The following GALNT10 variants were observed in gnomAD, a reference collection of about 807,000 sequenced individuals.
GALNT10 encodes the protein GalNAc transferase 10.
Under a neutral mutation model 75.0 loss-of-function variants are expected in GALNT10, and 41 were observed. The observed-to-expected ratio is 0.55, with a 90% CI of 0.43 to 0.71. The LOEUF is 0.71. Ranked by LOEUF, GALNT10 falls within the 30% of genes least tolerant of loss-of-function variation. The pLI, the probability that GALNT10 is intolerant of heterozygous loss-of-function variation, is 0.00. For missense variants in GALNT10, 727 were observed against 818.5 expected (o/e 0.89, Z 1.36); for synonymous variants, 302 against 313.0 (o/e 0.96, Z 0.37).
chr5:154,413,009 A>G lies in GALNT10; in HGVS notation c.1503+4A>G. The G allele has an allele frequency of 6.3e-7, 1 of 1,579,650 alleles. No individual in the cohort carries two copies. On this transcript the variant is annotated splice_donor_region_variant and intron_variant, in intron 10 of 11. Transcript: ENST00000297107. Reference sequence around the variant, plus strand: ...GGCTGCCTGGAACAACATGCAGGTAAGGGCCGCCCCTCAGGGACTGGCAGC... The same window carrying G: ...GGCTGCCTGGAACAACATGCAGGTAGGGGCCGCCCCTCAGGGACTGGCAGC...
chr5:154,392,298 G>C (rs1755911556), intron 7 of GALNT10: 1 of 152,218 alleles, frequency 6.6e-6, no homozygotes, highest in Non-Finnish European at 1.5e-5. Context: ...CCTGGAGGCA[G>C]GGAGGAGGTT....
intron 7 of GALNT10, chr5:154,393,063 A>ACAAAAAAC (rs1554101634): frequency 3.1e-5 from 4 of 128,532 alleles, no homozygotes; most frequent in African/African-American, 1.2e-4. Flanking sequence ...TCCACAAAAA[A>ACAAAAAAC]AAAAAAAAAA....
At chr5:154,360,189 C>T (rs1195239784) in intron 4 of GALNT10, among the ~76,000 whole-genome samples, 2 of 152,298 alleles carry the variant, frequency 1.3e-5, no homozygotes, top group African/African-American at 2.4e-5. Context: ...GTGGCTCACA[C>T]CTGTAATCCC....
At chr5:154,255,284 G>C (rs1292597195) in intron 1 of GALNT10, among the ~76,000 whole-genome samples, 2 of 152,128 alleles carry the variant, frequency 1.3e-5, no homozygotes, top group Non-Finnish European at 2.9e-5. Context: ...TCAATTATGT[G>C]AGGGAAATCT....
intron 1 of GALNT10, among the ~76,000 whole-genome samples, chr5:154,221,702 G>A (rs34509057): frequency 0.18 from 27,058 of 152,186 alleles, 2,658 homozygotes; most frequent in Non-Finnish European, 0.23. Flanking sequence ...GGGTACTGAA[G>A]AAATTAGTTT....
At chr5:154,336,199 T>C (rs993662855) in intron 4 of GALNT10, among the ~76,000 whole-genome samples, 1 of 152,228 alleles carries the variant, frequency 6.6e-6, no homozygotes, top group Non-Finnish European at 1.5e-5. Flanking sequence ...CATTCCATTG[T>C]CTGGGTATAC....
At chr5:154,273,194 C>T (rs1753896649) in intron 1 of GALNT10, among the ~76,000 whole-genome samples, 1 of 152,156 alleles carries the variant, frequency 6.6e-6, no homozygotes, top group African/African-American at 2.4e-5. Flanking sequence ...TGGCCCCTTG[C>T]AGGAATTTGG....
intron 1 of GALNT10, among the ~76,000 whole-genome samples, chr5:154,279,509 G>A (rs183513292): frequency 1.3e-5 from 2 of 151,840 alleles, no homozygotes; most frequent in African/African-American, 4.8e-5. Context: ...CACCATGTTG[G>A]CCAGGCTGGT....
At chr5:154,273,988 A>T (rs1428272243) in intron 1 of GALNT10, among the ~76,000 whole-genome samples, 1 of 152,190 alleles carries the variant, frequency 6.6e-6, no homozygotes, top group African/African-American at 2.4e-5. Flanking sequence ...GGTTTATATG[A>T]TTTCTCTGGA....
intron 4 of GALNT10, among the ~76,000 whole-genome samples, chr5:154,359,521 C>T (rs1284593917): frequency 7.9e-6 from 1 of 127,184 alleles, no homozygotes; most frequent in Non-Finnish European, 1.6e-5. Flanking sequence ...CCTAAAAGGA[C>T]TCTGTTTCTT....
intron 1 of GALNT10, among the ~76,000 whole-genome samples, chr5:154,193,305 C>T (rs963709389): frequency 6.6e-6 from 1 of 152,216 alleles, no homozygotes; most frequent in Non-Finnish European, 1.5e-5. Flanking sequence ...TCAAGAACGC[C>T]CTGCCAAATT....
intron 1 of GALNT10, among the ~76,000 whole-genome samples, chr5:154,276,032 T>C (rs766082235): frequency 1.3e-5 from 2 of 152,246 alleles, no homozygotes; most frequent in African/African-American, 2.4e-5. Flanking sequence ...ATCATGTTCC[T>C]GTTGCTGTGT....
chr5:154,328,703 A>G (rs903767554), intron 3 of GALNT10, among the ~76,000 whole-genome samples: 1 of 152,134 alleles, frequency 6.6e-6, no homozygotes, highest in African/African-American at 2.4e-5. Context: ...GCAAATCCAG[A>G]CCTTGGGTAA....
intron 1 of GALNT10, among the ~76,000 whole-genome samples, chr5:154,250,909 G>T (rs1455993301): frequency 2.6e-5 from 4 of 152,088 alleles, no homozygotes; most frequent in Non-Finnish European, 5.9e-5. Flanking sequence ...CTACTTTCTT[G>T]CCTTGCTTAG....
intron 3 of GALNT10, among the ~76,000 whole-genome samples, chr5:154,300,079 T>G (rs1412894955): frequency 1.3e-5 from 2 of 152,142 alleles, no homozygotes; most frequent in East Asian, 3.9e-4. Flanking sequence ...CAAGTGATCT[T>G]TCTGCCTCAG....
intron 3 of GALNT10, among the ~76,000 whole-genome samples, chr5:154,312,089 C>T (rs1407414399): frequency 6.6e-6 from 1 of 151,912 alleles, no homozygotes; most frequent in Non-Finnish European, 1.5e-5. Context: ...TAGCATTCAG[C>T]AAAATTGGTT....
chr5:154,250,683 CAG>C (rs1753503481), intron 1 of GALNT10, among the ~76,000 whole-genome samples: 1 of 152,150 alleles, frequency 6.6e-6, no homozygotes, highest in Non-Finnish European at 1.5e-5. Flanking sequence ...AAATAACCAC[CAG>C]AGTCGCTCAA....
chr5:154,348,025 T>C (rs937598322), intron 4 of GALNT10, among the ~76,000 whole-genome samples: 7 of 152,236 alleles, frequency 4.6e-5, no homozygotes, highest in African/African-American at 1.4e-4. Context: ...AAGAGCTGTC[T>C]GTCTGTGTGA....
At chr5:154,372,564 G>T (rs1236194901) in intron 4 of GALNT10, among the ~76,000 whole-genome samples, 1 of 152,174 alleles carries the variant, frequency 6.6e-6, no homozygotes, top group African/African-American at 2.4e-5. Context: ...CAGAAAGAGG[G>T]GCCACCAGGA....
Sources: gnomAD v4.1 joint callset for allele counts (sites outside exome capture counted in the v4.1 genomes callset) on GRCh38, gnomAD v4.1.1 for gene constraint, MANE v1.5 for transcripts, NCBI Gene and HGNC (gene_info 2026-07-23, HGNC 2026-07-21) for gene names.